The following RHCG variants were observed in gnomAD, a reference collection of about 807,000 sequenced individuals.
RHCG encodes the protein Rh family C glycoprotein, also known as ammonium transporter Rh type C.
A neutral mutation model predicts 55.3 loss-of-function variants in RHCG; 39 were observed. The ratio of observed to expected loss-of-function variants is 0.70; its 90% confidence interval spans 0.55 to 0.92. The LOEUF (loss-of-function observed/expected upper bound fraction) is 0.92. RHCG is among the 40% of genes least tolerant of loss of function. RHCG has a pLI of 0.00. For synonymous variants in RHCG, 250 were observed against 246.8 expected (o/e 1.01, Z -0.12); for missense variants, 635 against 627.9 (o/e 1.01, Z -0.12).
intron 8 of RHCG, 121 bp downstream of exon 8, chr15:89,476,961 A>T: frequency 6.5e-7 from 1 of 1,546,586 alleles, no homozygotes. Context: ...CTGTAGCCAG[A>T]AGTGCAGAGA....
chr15:89,495,903 C>T (rs1279009312), intron 1 of RHCG, among the ~76,000 whole-genome samples: 1 of 152,172 alleles, frequency 6.6e-6, no homozygotes, highest in Non-Finnish European at 1.5e-5. Context: ...GCTTGTTTTC[C>T]CTCTCCAAGC....
Position 89,486,397 on chromosome 15 carries a change from T to C in RHCG, c.371+402A>G, listed in dbSNP as rs1961358793. ...TCTCTCAGGACACAGGGCTGGGCGA[T>C]TTTGATGTGCCGGGCCCGGTCGGAC... On this transcript the variant is annotated intron_variant, in intron 2 of 10. Transcript: ENST00000268122. The C allele has an allele frequency of 1.1e-5, 5 of 456,220 alleles. 1 individual carries two copies. The highest frequency in any genetic ancestry group is 3.3e-4 in the Middle Eastern group (1 of 3,070). The allele number at this position is 456,220 out of a possible 1,614,324, so 28.3% of individuals were successfully genotyped here.
chr15:89,486,721 G>T, intron 2 of RHCG, 78 bp downstream of exon 2: 1 of 1,460,728 alleles, frequency 6.8e-7, no homozygotes, highest in Non-Finnish European at 9.3e-7. Context: ...CGATGGGCAC[G>T]CCCTCCTCCC....
chr15:89,486,695 C>A, intron 2 of RHCG, 104 bp downstream of exon 2: 1 of 1,266,018 alleles, frequency 7.9e-7, no homozygotes, highest in Non-Finnish European at 1.1e-6. Flanking sequence ...CCTCCAGCCT[C>A]AAGCCCGGGT....
chr15:89,474,991 T>C (rs9745119), intron 9 of RHCG, among the ~76,000 whole-genome samples: 3 of 132,130 alleles, frequency 2.3e-5, no homozygotes, highest in African/African-American at 1.2e-4. Flanking sequence ...CCTGCCTGCC[T>C]GCCTTCCTTC....
chr15:89,482,920 C>G (rs1961292990), intron 3 of RHCG, 147 bp downstream of exon 3: 2 of 732,070 alleles, frequency 2.7e-6, no homozygotes, highest in Non-Finnish European at 4.2e-6. Context: ...ATTATTACTC[C>G]CACTTTAGAG....
chr15:89,486,616 G>GTT, intron 2 of RHCG, 183 bp downstream of exon 2: 1 of 546,840 alleles, frequency 1.8e-6, no homozygotes, highest in East Asian at 4.1e-5. Flanking sequence ...GTGTGTGTGT[G>GTT]TGTGTGTGTG....
intron 1 of RHCG, among the ~76,000 whole-genome samples, chr15:89,496,148 C>G (rs1343172774): frequency 6.6e-6 from 1 of 152,230 alleles, no homozygotes; most frequent in East Asian, 1.9e-4. Flanking sequence ...ATAAAAACCT[C>G]ATCCCGGTGT....
At chr15:89,483,505 C>T (rs1252395964) in intron 2 of RHCG, among the ~76,000 whole-genome samples, 2 of 152,118 alleles carry the variant, frequency 1.3e-5, no homozygotes, top group African/African-American at 2.4e-5. Flanking sequence ...ACCATGTGGT[C>T]TGGTTGCTAT....
Position 89,479,304 on chromosome 15 carries a change from C to T in RHCG, c.837+18G>A, listed in dbSNP as rs1247550366. On this transcript the variant is annotated intron_variant, in intron 5 of 10. Coordinates refer to ENST00000268122, the MANE Select transcript of RHCG (RefSeq NM_016321.3). ...GCCCAGGCAGTCAGAGCCACACCCC[C>T]AACGCCCTCATGCTCACCATGTCCA... The T allele has an allele frequency of 6.2e-7, 1 of 1,606,660 alleles. No individual in the cohort carries two copies. Among genetic ancestry groups the T allele is most frequent in the South Asian group, 1.1e-5 (1 of 89,924 alleles).
intron 9 of RHCG, among the ~76,000 whole-genome samples, chr15:89,474,940 T>TCCTGCCTTCATTCATTCCTGCCTG (rs1217145564): frequency 2.1e-4 from 26 of 124,110 alleles, no homozygotes; most frequent in African/African-American, 9.5e-4. Context: ...CTTCCTGCCT[T>TCCTGCCTTCATTCATTCCTGCCTG]CCTGCCTTCA....
rs1341326243 is a variant in RHCG, at chr15:89,474,852, G to A, written c.1311+1903C>T. On this transcript the variant is annotated intron_variant, in intron 9 of 10. Coordinates refer to ENST00000268122, the MANE Select transcript of RHCG (RefSeq NM_016321.3). ...TTCCTGCCTGCCTTCCTTCCTGCCT[G>A]CCTGCCTTCCTTCCTGCCTGCCTTC... Among the ~76,000 whole-genome samples, 31 of 96,378 alleles carry A rather than the reference G, an allele frequency of 3.2e-4. No homozygotes were observed. In the East Asian group the frequency reaches 9.0e-3, roughly 28 times the overall value. 63.2% of individuals were successfully genotyped at this position (96,378 alleles called of 152,430 possible).
At chr15:89,483,453 A>G (rs1658237111) in intron 2 of RHCG, among the ~76,000 whole-genome samples, 1 of 152,198 alleles carries the variant, frequency 6.6e-6, no homozygotes, top group East Asian at 1.9e-4. Context: ...CATGCAGCCC[A>G]TCTCAGGCCC....
chr15:89,477,142 A>C lies in RHCG; in HGVS notation c.1177T>G (p.Phe393Val). 3 of 1,614,024 alleles carry C rather than the reference A, an allele frequency of 1.9e-6. No homozygotes were observed. Among genetic ancestry groups the C allele is most frequent in the Non-Finnish European group, 2.5e-6 (3 of 1,179,990 alleles). ...GDWTARTQGK[F>V]QIYGLLVTLA... ...GTCACCAAGAGACCATAAATCTGGAACTTTCCCTGTGTTCTTGCGGTCCAG... is the reference window on the plus strand; with the variant it reads ...GTCACCAAGAGACCATAAATCTGGACCTTTCCCTGTGTTCTTGCGGTCCAG... Residue 393 changes from phenylalanine (F) to valine (V), a missense_variant, in exon 8 of 11, where the codon TTC becomes GTC. Transcript: ENST00000268122. This position sits in a 1 kb window ranked among gnomAD's most constrained non-coding sequence, Gnocchi z 4.5.
intron 1 of RHCG, among the ~76,000 whole-genome samples, chr15:89,487,676 A>G (rs1252572269): frequency 6.6e-6 from 1 of 152,192 alleles, no homozygotes; most frequent in African/African-American, 2.4e-5. Context: ...ACTCTGGGAA[A>G]GTTAAGTATT....
At chr15:89,488,742 C>A (rs948925817) in intron 1 of RHCG, among the ~76,000 whole-genome samples, 12 of 143,438 alleles carry the variant, frequency 8.4e-5, no homozygotes, top group Non-Finnish European at 1.5e-5. Context: ...TTACTCTAGA[C>A]TGGATTCTGT....
In RHCG at chr15:89,479,503, C is replaced by G. The variant is rs185487073; in HGVS notation, c.671-15G>C. The G allele has an allele frequency of 1.2e-6, 2 of 1,604,246 alleles. No homozygotes were observed. The highest frequency in any genetic ancestry group is 1.1e-5 in the South Asian group (1 of 89,318). ...GAAGAGGGTGCCTGGTCAGACCAGA[C>G]AGGCCCAATGGGCCCGGGAGGAGAG... On this transcript the variant is annotated splice_polypyrimidine_tract_variant and intron_variant, in intron 4 of 10. Coordinates refer to ENST00000268122, the MANE Select transcript of RHCG (RefSeq NM_016321.3).
At position 89,477,900 on chromosome 15, in the gene RHCG, G is replaced by A. The variant is rs145944477; in HGVS notation, c.912C>T (p.Tyr304=). Residue 304 remains tyrosine, a synonymous_variant, in exon 6 of 11, where the codon TAC becomes TAT. Transcript: ENST00000268122. The surrounding 1 kb of genome is among the most constrained non-coding windows in gnomAD (Gnocchi z 4.5). ...AGACGAAGCCGATGATGAGGGCACC[G>A]TAAGGCATGAGCATCATCTCAGCAG... is the stretch of plus-strand genomic sequence containing the variant. ...GTAAEMMLMP[Y]GALIIGFVCG... 4.5e-5 allele frequency: 73 copies of A among 1,614,052 alleles called. No individual in the cohort carries two copies. In the Middle Eastern group the frequency reaches 8.3e-4, roughly 18 times the overall value.
At chr15:89,478,779 G>A (rs377752775) in intron 5 of RHCG, among the ~76,000 whole-genome samples, 33 of 152,256 alleles carry the variant, frequency 2.2e-4, no homozygotes, top group South Asian at 4.1e-4. Context: ...ATATGCCCAC[G>A]TCAAGACGCT....
Sources: allele counts gnomAD v4.1 joint callset (sites outside exome capture counted in the v4.1 genomes callset), GRCh38; gene constraint gnomAD v4.1.1; non-coding constraint Gnocchi (gnomAD v3.1); transcripts MANE v1.5; gene names NCBI Gene and HGNC (gene_info 2026-07-23, HGNC 2026-07-21).